QKI: variants seen among roughly 807,000 people sequenced by gnomAD.
QKI encodes QKI, KH domain containing RNA binding.
In QKI, 10 loss-of-function variants were observed where a neutral mutation model predicts 39.0. That is an observed-to-expected ratio of 0.26 (90% CI 0.16 to 0.43). The LOEUF is 0.43. Among genes scored for constraint, QKI ranks in the 20% least tolerant of loss-of-function variants. QKI has a pLI of 1.00. For missense variants in QKI, 218 were observed against 428.0 expected (o/e 0.51, Z 4.33); for synonymous variants, 204 against 155.4 (o/e 1.31, Z -2.33).
At chr6:163,500,136 A>G (rs1778668369) in intron 3 of QKI, among the ~76,000 whole-genome samples, 1 of 152,202 alleles carries the variant, frequency 6.6e-6, no homozygotes, top group African/African-American at 2.4e-5. Context: ...GAAAGTGGGA[A>G]GAGAAGACGT....
intron 4 of QKI, among the ~76,000 whole-genome samples, chr6:163,537,006 C>T (rs374647553): frequency 5.3e-5 from 8 of 151,984 alleles, no homozygotes; most frequent in South Asian, 2.1e-4. Flanking sequence ...GTCAGGAGTT[C>T]GAGACCAGCC....
At chr6:163,565,262 A>G (rs951360596) in intron 6 of QKI, 26 of 986,552 alleles carry the variant, frequency 2.6e-5, no homozygotes, top group Non-Finnish European at 2.9e-5. Flanking sequence ...GGTCCCGTGC[A>G]TGCTCCTTTT....
intron 2 of QKI, among the ~76,000 whole-genome samples, chr6:163,475,270 A>G (rs779858316): frequency 1.3e-5 from 2 of 152,206 alleles, no homozygotes; most frequent in African/African-American, 4.8e-5. Flanking sequence ...TGTGGATTCA[A>G]CCAACCTAGG....
chr6:163,512,897 T>G (rs1779568045), intron 3 of QKI, among the ~76,000 whole-genome samples: 1 of 152,138 alleles, frequency 6.6e-6, no homozygotes, highest in African/African-American at 2.4e-5. Context: ...TAGAGTAGAT[T>G]AAAAGCAAAG....
At chr6:163,534,882 C>G (rs1175210407) in intron 3 of QKI, 100 bp from the exon 4 acceptor site, 2 of 1,004,922 alleles carry the variant, frequency 2.0e-6, no homozygotes, top group African/African-American at 3.3e-5. Context: ...CAAAATAATG[C>G]AAACATAGCT....
At chr6:163,487,200 C>G (rs1475656374) in intron 3 of QKI, among the ~76,000 whole-genome samples, 4 of 151,184 alleles carry the variant, frequency 2.6e-5, no homozygotes, top group Non-Finnish European at 5.9e-5. Flanking sequence ...TTTACGTTTT[C>G]ATTATGCAAA....
chr6:163,480,176 G>A (rs933967371), intron 3 of QKI, among the ~76,000 whole-genome samples: 4 of 152,026 alleles, frequency 2.6e-5, no homozygotes, highest in African/African-American at 4.8e-5. Context: ...AAAAATTGGC[G>A]GATTTAAAAA....
intron 6 of QKI, chr6:163,565,723 C>T: frequency 8.2e-7 from 1 of 1,218,740 alleles, no homozygotes; most frequent in East Asian, 3.3e-5. Flanking sequence ...ATATTGACCA[C>T]TTGGAGAACT....
At chr6:163,459,164 C>T (rs1220102932) in intron 2 of QKI, among the ~76,000 whole-genome samples, 11 of 152,306 alleles carry the variant, frequency 7.2e-5, no homozygotes, top group South Asian at 6.2e-4. Context: ...CAGGCTAAAG[C>T]GGGCAGTGGC....
intron 3 of QKI, among the ~76,000 whole-genome samples, chr6:163,506,709 T>C (rs1469931325): frequency 6.6e-6 from 1 of 152,234 alleles, no homozygotes; most frequent in African/African-American, 2.4e-5. Flanking sequence ...CACTATAATG[T>C]GCATAGTGCC....
intron 3 of QKI, among the ~76,000 whole-genome samples, chr6:163,507,376 A>G (rs1053883283): frequency 5.3e-5 from 8 of 152,214 alleles, no homozygotes; most frequent in African/African-American, 1.9e-4. Context: ...CACGATAAAA[A>G]CCAGCTACTC....
At chr6:163,483,356 A>G (rs1583069540) in intron 3 of QKI, among the ~76,000 whole-genome samples, 1 of 152,304 alleles carries the variant, frequency 6.6e-6, no homozygotes, top group Non-Finnish European at 1.5e-5. Flanking sequence ...TGCTTAAAAT[A>G]AGAACAACGA....
chr6:163,556,588 T>A (rs1321985811), intron 4 of QKI, among the ~76,000 whole-genome samples: 8 of 149,480 alleles, frequency 5.4e-5, no homozygotes, highest in Non-Finnish European at 1.0e-4. Context: ...TAAATTAAAA[T>A]ATATATATTT....
chr6:163,445,759 C>A (rs551188648), intron 1 of QKI, among the ~76,000 whole-genome samples: 3 of 151,930 alleles, frequency 2.0e-5, no homozygotes, highest in Admixed American at 1.3e-4. Context: ...GGACTACAGG[C>A]GCCCGCCACC....
rs751570501 is a variant in QKI, at chr6:163,415,143, CCGGCGG to C, written c.-32_-27del. 265 of 1,355,946 alleles carry C rather than the reference CCGGCGG, an allele frequency of 2.0e-4. No individual in the cohort carries two copies. Among genetic ancestry groups the C allele is most frequent in the South Asian group, 7.5e-4 (54 of 72,052 alleles). 84.0% of individuals were successfully genotyped at this position (1,355,946 alleles called of 1,614,324 possible). A position where few individuals can be genotyped will look rare whatever the true frequency, so the allele number is the denominator to read the frequency against. On this transcript the variant is annotated 5_prime_UTR_variant, in exon 1 of 8. Coordinates refer to ENST00000361752, the MANE Select transcript of QKI (RefSeq NM_006775.3). ...GCTCGCCCCCGCCCCTCCCTCCTCT[CCGGCGG>C]CGGCGGCGGCGGCGGCGGGCGGAGT...
intron 4 of QKI, among the ~76,000 whole-genome samples, chr6:163,560,315 T>C (rs928698239): frequency 3.3e-5 from 5 of 152,218 alleles, no homozygotes; most frequent in African/African-American, 9.7e-5. Context: ...AGCCTCTTTT[T>C]TCATCAATGT....
intron 3 of QKI, among the ~76,000 whole-genome samples, chr6:163,523,205 G>T (rs1041298740): frequency 1.3e-5 from 2 of 152,040 alleles, no homozygotes; most frequent in East Asian, 3.9e-4. Flanking sequence ...TTCACAGAAG[G>T]CAGGTAAAAT....
intron 3 of QKI, among the ~76,000 whole-genome samples, chr6:163,517,030 T>C (rs1779843564): frequency 1.3e-5 from 2 of 150,412 alleles, no homozygotes; most frequent in African/African-American, 4.9e-5. Context: ...AGAGAAGCAG[T>C]AGGGGACACA....
chr6:163,539,388 A>G (rs537393269), intron 4 of QKI, among the ~76,000 whole-genome samples: 2 of 152,300 alleles, frequency 1.3e-5, no homozygotes, highest in East Asian at 3.9e-4. Context: ...GAGGAAAAAG[A>G]ACCGGGATTT....
Sources: gnomAD v4.1 joint callset for allele counts (sites outside exome capture counted in the v4.1 genomes callset) on GRCh38, gnomAD v4.1.1 for gene constraint, MANE v1.5 for transcripts, NCBI Gene and HGNC (gene_info 2026-07-23, HGNC 2026-07-21) for gene names.